Variants in PDZRN3 observed in about 807,000 individuals in gnomAD.
The protein encoded by PDZRN3 is E3 ubiquitin-protein ligase PDZRN3.
Under a neutral mutation model 85.7 loss-of-function variants are expected in PDZRN3, and 38 were observed. The observed-to-expected ratio is 0.44, with a 90% confidence interval of 0.34 to 0.58. The LOEUF (loss-of-function observed/expected upper bound fraction) is 0.58. Ranked by LOEUF, PDZRN3 falls within the 20% of genes least tolerant of loss-of-function variation. PDZRN3 has a pLI of 0.01. For synonymous variants in PDZRN3, 759 were observed against 638.0 expected (o/e 1.19, Z -2.86); for missense variants, 1,629 against 1,506.4 (o/e 1.08, Z -1.35).
intron 3 of PDZRN3, among the ~76,000 whole-genome samples, chr3:73,545,276 T>C (rs889347039): frequency 5.3e-5 from 8 of 152,302 alleles, no homozygotes; most frequent in Admixed American, 1.3e-4. Flanking sequence ...CCATAGGTGA[T>C]AATAACAGCA....
At chr3:73,601,871 C>G (rs1702520205) in intron 3 of PDZRN3, among the ~76,000 whole-genome samples, 1 of 144,226 alleles carries the variant, frequency 6.9e-6, no homozygotes, top group African/African-American at 2.5e-5. Context: ...GGTTGTACAA[C>G]TAACAACAGG....
At chr3:73,440,470 C>T (rs916716381) in intron 3 of PDZRN3, among the ~76,000 whole-genome samples, 1 of 152,188 alleles carries the variant, frequency 6.6e-6, no homozygotes, top group East Asian at 1.9e-4. Flanking sequence ...TTTGATGCGC[C>T]TTGATGTCAC....
intron 3 of PDZRN3, among the ~76,000 whole-genome samples, chr3:73,570,039 T>G (rs531626799): frequency 3.9e-5 from 6 of 152,166 alleles, no homozygotes; most frequent in Non-Finnish European, 2.9e-5. Context: ...TCTCTTACCC[T>G]GCTTCATTTT....
At chr3:73,560,333 A>G (rs1429879518) in intron 3 of PDZRN3, among the ~76,000 whole-genome samples, 1 of 152,200 alleles carries the variant, frequency 6.6e-6, no homozygotes, top group Non-Finnish European at 1.5e-5. Flanking sequence ...AACAGAGGCC[A>G]GGAAAGAGAG....
At chr3:73,398,897 C>T (rs531099277) in intron 5 of PDZRN3, among the ~76,000 whole-genome samples, 5 of 152,144 alleles carry the variant, frequency 3.3e-5, no homozygotes, top group African/African-American at 1.2e-4. Context: ...ATAAAATTAC[C>T]GTAGTTTAAA....
intron 3 of PDZRN3, among the ~76,000 whole-genome samples, chr3:73,473,800 T>C (rs1425104283): frequency 6.6e-6 from 1 of 152,184 alleles, no homozygotes; most frequent in Non-Finnish European, 1.5e-5. Flanking sequence ...GTGGATCCTC[T>C]GGCCCCAGTC....
At chr3:73,546,944 AACTCCCAGGTCCAGCTCT>A (rs1166604637) in intron 3 of PDZRN3, among the ~76,000 whole-genome samples, 1 of 152,162 alleles carries the variant, frequency 6.6e-6, no homozygotes, top group Non-Finnish European at 1.5e-5. Flanking sequence ...ATGAGGTGAG[AACTCCCAGGTCCAGCTCT>A]ACTCCCAACT....
At chr3:73,503,092 C>T (rs1343859444) in intron 3 of PDZRN3, among the ~76,000 whole-genome samples, 1 of 152,102 alleles carries the variant, frequency 6.6e-6, no homozygotes, top group African/African-American at 2.4e-5. Flanking sequence ...TATCTCAATG[C>T]TTTCTTGATT....
intron 3 of PDZRN3, among the ~76,000 whole-genome samples, chr3:73,559,672 G>A (rs1225097612): frequency 2.0e-5 from 3 of 152,094 alleles, no homozygotes; most frequent in African/African-American, 7.2e-5. Flanking sequence ...AGAAAGAGAC[G>A]GTTTGCTTTT....
At position 73,499,246 on chromosome 3, in the gene PDZRN3, C is replaced by T. The variant is rs974757918; in HGVS notation, c.919-94851G>A. Among the ~76,000 whole-genome samples, 5 of 152,134 alleles carry T rather than the reference C, an allele frequency of 3.3e-5. No individual in the cohort carries two copies. In the South Asian group the frequency reaches 6.2e-4, roughly 19 times the overall value. On this transcript the variant is annotated intron_variant, in intron 3 of 9. Transcript: ENST00000263666. ...ACTGGTTACAAACATCAGTGAAGAC[C>T]GGCGAGTCCTGATCTCATGGAGTTT...
At chr3:73,397,251 C>T (rs1163691329) in intron 5 of PDZRN3, among the ~76,000 whole-genome samples, 1 of 152,182 alleles carries the variant, frequency 6.6e-6, no homozygotes, top group Non-Finnish European at 1.5e-5. Flanking sequence ...TCAACACACT[C>T]ATACATATTT....
chr3:73,466,128 T>C (rs1204671858), intron 3 of PDZRN3, among the ~76,000 whole-genome samples: 1 of 152,212 alleles, frequency 6.6e-6, no homozygotes. Flanking sequence ...CACCAGTTTA[T>C]TCACAGCAGG....
chr3:73,612,962 C>T (rs932386887), intron 1 of PDZRN3, among the ~76,000 whole-genome samples: 5 of 152,176 alleles, frequency 3.3e-5, no homozygotes, highest in African/African-American at 7.2e-5. Context: ...AGTTCAACAC[C>T]GAGGTCATGA....
In PDZRN3 at chr3:73,624,348, G is replaced by A; in HGVS notation, c.478C>T (p.His160Tyr). 7.7e-7 allele frequency: 1 copy of A among 1,302,002 alleles called. No individual in the cohort carries two copies. The highest frequency in any genetic ancestry group is 9.7e-7 in the Non-Finnish European group (1 of 1,032,482). The allele number at this position is 1,302,002 out of a possible 1,614,324, so 80.7% of individuals were successfully genotyped here. The change falls in exon 1 of 10, where the codon CAC becomes TAC. Residue 160 changes from histidine (H) to tyrosine (Y), a missense_variant. By Grantham distance (83) the His-to-Tyr change is moderately conservative (BLOSUM62 2). Transcript: ENST00000263666. Reference protein sequence around the residue: ...LTHGEQRAGGHCCARALRAHN... With the variant: ...LTHGEQRAGGYCCARALRAHN... ...GCCCGCAGCGCTCGCGCGCAGCAGT[G>A]GCCGCCCGCGCGCTGCTCGCCGTGC...
intron 3 of PDZRN3, among the ~76,000 whole-genome samples, chr3:73,468,336 G>A (rs1165085290): frequency 6.6e-6 from 1 of 152,096 alleles, no homozygotes; most frequent in African/African-American, 2.4e-5. Flanking sequence ...TTCACACCTT[G>A]ATTATAGTTT....
rs6549532 is a variant in PDZRN3, at chr3:73,387,961, A to G, written c.1518+7T>C. ...GACCCAGTTTCATCTGTAGGAAGCC[A>G]ATTTACCTGGAGTTCAGGCCTTGCA... On this transcript the variant is annotated splice_region_variant and intron_variant, in intron 8 of 9. Coordinates refer to ENST00000263666, the MANE Select transcript of PDZRN3 (RefSeq NM_015009.3). 992,946 of 1,416,058 alleles carry G rather than the reference A, an allele frequency of 0.7. 352,314 individuals are homozygous for G. Among genetic ancestry groups the G allele is most frequent in the African/African-American group, 0.91 (63,705 of 70,364 alleles). The allele number at this position is 1,416,058 out of a possible 1,614,324, so 87.7% of individuals were successfully genotyped here.
intron 5 of PDZRN3, among the ~76,000 whole-genome samples, chr3:73,393,939 T>C (rs1010151314): frequency 3.3e-5 from 5 of 152,210 alleles, no homozygotes; most frequent in African/African-American, 7.2e-5. Context: ...TGACAGAGAT[T>C]TGGAGGACTG....
intron 3 of PDZRN3, among the ~76,000 whole-genome samples, chr3:73,510,455 T>C (rs1050057743): frequency 6.6e-6 from 1 of 152,210 alleles, no homozygotes; most frequent in Non-Finnish European, 1.5e-5. Context: ...GCAGTCTAAA[T>C]ATCCAGTTAT....
chr3:73,493,340 A>C (rs891989411), intron 3 of PDZRN3, among the ~76,000 whole-genome samples: 1 of 152,210 alleles, frequency 6.6e-6, no homozygotes, highest in African/African-American at 2.4e-5. Context: ...CTGGGAAGAG[A>C]GACAGTGACA....
Sources: gnomAD v4.1 joint callset for allele counts (sites outside exome capture counted in the v4.1 genomes callset) on GRCh38, gnomAD v4.1.1 for gene constraint, MANE v1.5 for transcripts, NCBI Gene and HGNC (gene_info 2026-07-23, HGNC 2026-07-21) for gene names.